NAALADL2: variants seen among roughly 807,000 people sequenced by gnomAD.
NAALADL2 encodes the protein inactive N-acetylated-alpha-linked acidic dipeptidase-like protein 2.
NAALADL2 carries 76 observed loss-of-function variants against 87.2 expected under a neutral mutation model. That is an observed-to-expected ratio of 0.87 (90% CI 0.72 to 1.05). NAALADL2 has a LOEUF of 1.05. Among genes scored for constraint, NAALADL2 ranks in the 50% least tolerant of loss-of-function variants. The pLI is 0.00. For missense variants in NAALADL2, 1,089 were observed against 945.8 expected, an observed-to-expected ratio of 1.15 and a Z score of -1.99; for synonymous variants, 354 against 331.0, an observed-to-expected ratio of 1.07 and a Z score of -0.75.
At chr3:175,275,871 A>G (rs1753519632) in intron 4 of NAALADL2, among the ~76,000 whole-genome samples, 1 of 150,876 alleles carries the variant, frequency 6.6e-6, no homozygotes. Context: ...AAGCTTTATA[A>G]TAATGATAGT....
chr3:175,213,002 G>A (rs1418234031), intron 2 of NAALADL2, among the ~76,000 whole-genome samples: 1 of 152,066 alleles, frequency 6.6e-6, no homozygotes, highest in African/African-American at 2.4e-5. Flanking sequence ...GTGATACACA[G>A]GACTGGCTGA....
chr3:175,133,719 A>AGGGAGAGGGAGACCGTG (rs1243770748), intron 2 of NAALADL2, among the ~76,000 whole-genome samples: 2 of 152,006 alleles, frequency 1.3e-5, no homozygotes, highest in Non-Finnish European at 2.9e-5. Context: ...GTGGAAAGAG[A>AGGGAGAGGGAGACCGTG]GGGAGAGGGA....
chr3:175,109,679 G>A (rs1470133625), intron 2 of NAALADL2, among the ~76,000 whole-genome samples: 1 of 151,852 alleles, frequency 6.6e-6, no homozygotes, highest in South Asian at 2.1e-4. Flanking sequence ...GGGTGGATCA[G>A]CCCCTCTTTG....
chr3:175,369,021 A>G (rs1197932942), intron 5 of NAALADL2, among the ~76,000 whole-genome samples: 6 of 152,186 alleles, frequency 3.9e-5, no homozygotes, highest in East Asian at 1.9e-4. Flanking sequence ...AGACGTTACT[A>G]TGCATTACTG....
At position 174,827,904 on chromosome 3, in the gene NAALADL2, C is replaced by A. The variant is rs180796633; in HGVS notation, c.-9+90158C>A. On this transcript the variant is annotated intron_variant, in intron 3 of 3. Transcript: ENST00000434257. Reference sequence around the variant, plus strand: ...GGGACTCAAAGTTATCATTTCCTGACTGGGTGCTATGCTCATGCCTGTAAT... The same window carrying A: ...GGGACTCAAAGTTATCATTTCCTGAATGGGTGCTATGCTCATGCCTGTAAT... 9.2e-5 allele frequency among the ~76,000 whole-genome samples: 14 copies of A among 152,280 alleles called. No homozygotes were observed. In the East Asian group the frequency reaches 2.3e-3, roughly 25 times the overall value.
intron 2 of NAALADL2, among the ~76,000 whole-genome samples, chr3:174,568,707 GT>G (rs1714579161): frequency 6.6e-6 from 1 of 151,732 alleles, no homozygotes; most frequent in Non-Finnish European, 1.5e-5. Context: ...CACTGAGACT[GT>G]AAGTCCATAT....
chr3:175,305,260 GTGT>G (rs1757560713), intron 4 of NAALADL2, among the ~76,000 whole-genome samples: 3 of 142,502 alleles, frequency 2.1e-5, no homozygotes, highest in Non-Finnish European at 4.7e-5. Context: ...ATGTGTGTGT[GTGT>G]GTGTGTGTAT....
chr3:174,934,446 A>C (rs778398893), intron 1 of NAALADL2, among the ~76,000 whole-genome samples: 6 of 152,178 alleles, frequency 3.9e-5, no homozygotes, highest in African/African-American at 9.7e-5. Flanking sequence ...GAATTACAAT[A>C]ACAACACAGC....
At chr3:174,636,002 A>G (rs1578387369) in intron 2 of NAALADL2, among the ~76,000 whole-genome samples, 1 of 152,122 alleles carries the variant, frequency 6.6e-6, no homozygotes, top group African/African-American at 2.4e-5. Context: ...TGTCCATAAT[A>G]TTCATATCAT....
At chr3:175,335,813 G>T (rs189567782) in intron 5 of NAALADL2, among the ~76,000 whole-genome samples, 18 of 152,202 alleles carry the variant, frequency 1.2e-4, no homozygotes, top group Admixed American at 1.0e-3. Flanking sequence ...TGAATCTCTG[G>T]AATATTATGT....
intron 5 of NAALADL2, among the ~76,000 whole-genome samples, chr3:175,343,891 T>C (rs759882123): frequency 6.6e-6 from 1 of 152,008 alleles, no homozygotes; most frequent in Non-Finnish European, 1.5e-5. Flanking sequence ...GAGTGACCTA[T>C]GTTTTTGTCT....
At chr3:174,645,104 A>T (rs925874045) in intron 2 of NAALADL2, among the ~76,000 whole-genome samples, 1 of 152,296 alleles carries the variant, frequency 6.6e-6, no homozygotes, top group African/African-American at 2.4e-5. Flanking sequence ...CAGAGAAAAC[A>T]GCTCCCGGTC....
chr3:175,003,206 G>C (rs1748476832), intron 1 of NAALADL2, among the ~76,000 whole-genome samples: 1 of 152,024 alleles, frequency 6.6e-6, no homozygotes, highest in Non-Finnish European at 1.5e-5. Flanking sequence ...ATGTGTCCAG[G>C]GTATACTTAC....
At chr3:175,732,410 C>A (rs62284558) in intron 11 of NAALADL2, among the ~76,000 whole-genome samples, 12,931 of 152,054 alleles carry the variant, frequency 0.085, 563 homozygotes, top group Middle Eastern at 0.1. Context: ...ATAAATGGAC[C>A]TGGGAGACAA....
intron 13 of NAALADL2, among the ~76,000 whole-genome samples, chr3:175,796,971 T>C (rs1753573304): frequency 6.6e-6 from 1 of 152,058 alleles, no homozygotes; most frequent in African/African-American, 2.4e-5. Context: ...TTTCTTTTGC[T>C]TTAGTTAAGA....
rs1303704446 is a variant in NAALADL2, at chr3:175,634,761, C to T, written c.1896+7375C>T. Among the ~76,000 whole-genome samples, 7 of 151,982 alleles carry T rather than the reference C, an allele frequency of 4.6e-5. No individual in the cohort carries two copies. The South Asian group carries it at 6.2e-4, about 14-fold the overall frequency. ...TTAAGAAAACAAGTTTAAGGATATTCTAATCTGTGTATTTGTACATTTGAG... is the reference window on the plus strand; with the variant it reads ...TTAAGAAAACAAGTTTAAGGATATTTTAATCTGTGTATTTGTACATTTGAG... On this transcript the variant is annotated intron_variant, in intron 11 of 13. Coordinates refer to ENST00000454872, the MANE Select transcript of NAALADL2 (RefSeq NM_207015.3).
At chr3:175,237,788 G>T (rs1746162273) in intron 3 of NAALADL2, among the ~76,000 whole-genome samples, 1 of 151,914 alleles carries the variant, frequency 6.6e-6, no homozygotes. Flanking sequence ...TTGTTTTTCT[G>T]GGCATGTTGT....
At chr3:174,715,873 G>A (rs1380677443) in intron 2 of NAALADL2, among the ~76,000 whole-genome samples, 1 of 152,028 alleles carries the variant, frequency 6.6e-6, no homozygotes, top group Non-Finnish European at 1.5e-5. Flanking sequence ...CTAGGTTTCA[G>A]TTCTAGGATT....
rs73883369 is a variant in NAALADL2 at position 175,142,322 on chromosome 3, A to T, written c.545+45031A>T. Among the ~76,000 whole-genome samples the T allele has an allele frequency of 7.6e-3, 1,151 of 152,104 alleles. 11 individuals are homozygous for T. Among genetic ancestry groups the T allele is most frequent in the African/African-American group, 0.026 (1,081 of 41,552 alleles). ...TTTATAATTATGTGGAACCTTTGAAACAATTATGTTTTATTTTCAAATGTG... is the reference window on the plus strand; with the variant it reads ...TTTATAATTATGTGGAACCTTTGAATCAATTATGTTTTATTTTCAAATGTG... On this transcript the variant is annotated intron_variant, in intron 2 of 13. Transcript: ENST00000454872.
Sources: gnomAD v4.1 joint callset for allele counts (sites outside exome capture counted in the v4.1 genomes callset) on GRCh38, gnomAD v4.1.1 for gene constraint, MANE v1.5 for transcripts, NCBI Gene and HGNC (gene_info 2026-07-23, HGNC 2026-07-21) for gene names.